HOXB3: variants seen among roughly 807,000 people sequenced by gnomAD.
HOXB3 encodes homeobox protein Hox-B3.
A neutral mutation model predicts 29.2 loss-of-function variants in HOXB3; 17 were observed. The observed-to-expected ratio is 0.58, with a 90% CI of 0.40 to 0.87. The LOEUF (loss-of-function observed/expected upper bound fraction) is 0.87. Among genes scored for constraint, HOXB3 ranks in the 40% least tolerant of loss-of-function variants. The pLI, the probability that HOXB3 is intolerant of heterozygous loss-of-function variation, is 0.00. For synonymous variants in HOXB3, 317 were observed against 285.9 expected, an observed-to-expected ratio of 1.11 and a Z score of -1.10; for missense variants, 637 against 616.3, an observed-to-expected ratio of 1.03 and a Z score of -0.35.
At position 48,552,583 on chromosome 17, in the gene HOXB3, C is replaced by CA. The variant is rs1555635540; in HGVS notation, c.-110dup. On this transcript the variant is annotated 5_prime_UTR_variant, in exon 4 of 5. The change creates a premature stop within an existing upstream ORF in the 5' untranslated region. Coordinates refer to ENST00000498678, the MANE Select transcript of HOXB3 (RefSeq NM_001384749.1). ...CGTGACACGCCGGACCCCCCCCCCC[C>CA]ACCTCCCCTCTCTGCCCCCCTCCTC... The CA allele has an allele frequency of 5.4e-6, 4 of 747,360 alleles. No individual in the cohort carries two copies. Among genetic ancestry groups the CA allele is most frequent in the East Asian group, 2.9e-5 (1 of 34,776 alleles). The allele number at this position is 747,360 out of a possible 1,614,324, so 46.3% of individuals were successfully genotyped here.
intron 1 of HOXB3, among the ~76,000 whole-genome samples, chr17:48,589,572 C>A (rs989681205): frequency 6.6e-6 from 1 of 152,002 alleles, no homozygotes; most frequent in Non-Finnish European, 1.5e-5. Flanking sequence ...ACCGGAGGGA[C>A]CTCTTTTTAT....
At chr17:48,576,650 T>C (rs2144884194) in intron 1 of HOXB3, 197 of 567,546 alleles carry the variant, frequency 3.5e-4, no homozygotes, top group East Asian at 1.2e-3. Flanking sequence ...CCCCCTCCTG[T>C]CCCCCCACCC....
At chr17:48,580,565 G>A (rs3809782) in intron 1 of HOXB3, 94,732 of 151,688 alleles carry the variant, frequency 0.62, 29,802 homozygotes, top group East Asian at 0.75. Flanking sequence ...ATGGGGCCCC[G>A]GATATTTAAT....
intron 2 of HOXB3, among the ~76,000 whole-genome samples, chr17:48,559,338 G>A (rs2069114332): frequency 6.6e-6 from 1 of 152,172 alleles, no homozygotes; most frequent in South Asian, 2.1e-4. Context: ...ACCAATTTCT[G>A]ATCTCAGACT....
intron 2 of HOXB3, among the ~76,000 whole-genome samples, chr17:48,566,445 G>A (rs1257294838): frequency 2.0e-5 from 3 of 151,456 alleles, no homozygotes; most frequent in South Asian, 2.1e-4. Flanking sequence ...ACCTGAAGAG[G>A]GCTGAAAGAA....
At chr17:48,573,675 CATCATAA>C in intron 2 of HOXB3, among the ~76,000 whole-genome samples, 155 bp downstream of exon 2, 1 of 152,210 alleles carries the variant, frequency 6.6e-6, no homozygotes, top group South Asian at 2.1e-4. Flanking sequence ...AAGCATCAGT[CATCATAA>C]AAGGGAGCAA....
intron 1 of HOXB3, 95 bp from the exon 2 acceptor site, chr17:48,574,109 G>C (rs992740449): frequency 1.9e-6 from 1 of 530,932 alleles, no homozygotes; most frequent in African/African-American, 1.9e-5. Context: ...CTTAGCTCTT[G>C]TCTACACAGA....
intron 2 of HOXB3, among the ~76,000 whole-genome samples, chr17:48,568,414 C>T (rs1172018422): frequency 2.0e-5 from 3 of 152,210 alleles, no homozygotes; most frequent in African/African-American, 7.2e-5. Flanking sequence ...AGACCTCCAG[C>T]TATAGAGCTT....
intron 2 of HOXB3, among the ~76,000 whole-genome samples, chr17:48,558,021 G>GTT (rs201061282): frequency 6.6e-6 from 1 of 150,856 alleles, no homozygotes; most frequent in Non-Finnish European, 1.5e-5. Flanking sequence ...TACCTTTGGG[G>GTT]TTTTTTTTTC....
chr17:48,551,128 TGCCACCACTGCCTCCGCCGCCGCC>T lies in HOXB3; in HGVS notation c.478_501del (p.Gly160_Gly167del). The T allele has an allele frequency of 7.5e-7, 1 of 1,325,544 alleles. No individual in the cohort carries two copies. Among genetic ancestry groups the T allele is most frequent in the South Asian group, 2.3e-5 (1 of 44,050 alleles). The allele number at this position is 1,325,544 out of a possible 1,614,324, so 82.1% of individuals were successfully genotyped here. A position where few individuals can be genotyped will look rare whatever the true frequency, so the allele number is the denominator to read the frequency against. Reference sequence around the variant, plus strand: ...CCGCCGCCGCCGCCACCGCCCCCGCTGCCACCACTGCCTCCGCCGCCGCCGCCACCGCCGCCGCCACCACAGCCC... The same window carrying T: ...CCGCCGCCGCCGCCACCGCCCCCGCTGCCACCGCCGCCGCCACCACAGCCC... On this transcript the variant is annotated inframe_deletion, in exon 5 of 5. Transcript: ENST00000498678.
intron 1 of HOXB3, chr17:48,577,031 A>G (rs1238365484): frequency 1.3e-6 from 2 of 1,571,410 alleles, no homozygotes; most frequent in Admixed American, 1.9e-5. Flanking sequence ...CTGGACACAC[A>G]CGGAGAGAGG....
At chr17:48,571,725 CA>C (rs1168502072) in intron 2 of HOXB3, among the ~76,000 whole-genome samples, 1 of 152,216 alleles carries the variant, frequency 6.6e-6, no homozygotes, top group East Asian at 1.9e-4. Context: ...CCCTGAGCCC[CA>C]TATATTTTTA....
At chr17:48,564,606 G>C (rs572466368) in intron 2 of HOXB3, among the ~76,000 whole-genome samples, 4 of 152,236 alleles carry the variant, frequency 2.6e-5, no homozygotes, top group Non-Finnish European at 5.9e-5. Flanking sequence ...CTTTGAGAGC[G>C]GGCCAAGTTG....
At chr17:48,569,088 A>G (rs1348527567) in intron 2 of HOXB3, among the ~76,000 whole-genome samples, 1 of 149,948 alleles carries the variant, frequency 6.7e-6, no homozygotes, top group Non-Finnish European at 1.5e-5. Context: ...TTCTCGGGGT[A>G]CAGGCTTGTT....
chr17:48,575,888 C>G (rs1000181354), intron 1 of HOXB3: 3 of 152,650 alleles, frequency 2.0e-5, no homozygotes, highest in African/African-American at 7.2e-5. Flanking sequence ...GCCCCTCACC[C>G]TGCCAAGCAT....
At chr17:48,560,997 A>T (rs770894703) in intron 2 of HOXB3, among the ~76,000 whole-genome samples, 1 of 152,210 alleles carries the variant, frequency 6.6e-6, no homozygotes, top group Non-Finnish European at 1.5e-5. Context: ...CCTGACCAAC[A>T]TGGCGAAACC....
rs2068902735 is a variant in HOXB3 at position 48,554,897 on chromosome 17, A to G, written c.-159+634T>C. 1.4e-6 allele frequency: 1 copy of G among 694,884 alleles called. No homozygotes were observed. The highest frequency in any genetic ancestry group is 2.7e-5 in the East Asian group (1 of 37,102). 43.0% of individuals were successfully genotyped at this position (694,884 alleles called of 1,614,324 possible). A position where few individuals can be genotyped will look rare whatever the true frequency, so the allele number is the denominator to read the frequency against. ...GTGCTAAGGGGACCCAAGATCTGGG[A>G]TCCAGAACAAGAGGGGGTGGGGAAC... is the stretch of plus-strand genomic sequence containing the variant. On this transcript the variant is annotated intron_variant, in intron 3 of 4. Transcript: ENST00000498678. The surrounding 1 kb of genome is among the most constrained non-coding windows in gnomAD (Gnocchi z 4.1).
rs35384813 is a variant in HOXB3, at chr17:48,574,150, CT to C, written c.-424-137del. 6.4e-3 allele frequency: 2,342 copies of C among 368,504 alleles called. 5 individuals carry two copies. The highest frequency in any genetic ancestry group is 0.018 in the South Asian group (393 of 21,778). The allele number at this position is 368,504 out of a possible 1,614,324, so 22.8% of individuals were successfully genotyped here. ...TGTGAACTTTAAGCTCCATAGAAATCTTTTTTTTTTAAATTCTATTCATACC... is the reference window on the plus strand; with the variant it reads ...TGTGAACTTTAAGCTCCATAGAAATCTTTTTTTTTAAATTCTATTCATACC... On this transcript the variant is annotated intron_variant, in intron 1 of 4. Coordinates refer to ENST00000498678, the MANE Select transcript of HOXB3 (RefSeq NM_001384749.1).
chr17:48,573,636 C>T (rs1340508520), intron 2 of HOXB3, among the ~76,000 whole-genome samples: 2 of 152,174 alleles, frequency 1.3e-5, no homozygotes, highest in African/African-American at 4.8e-5. Context: ...CTCCAGGTGT[C>T]GAGGCCCCTC....
Sources: gnomAD v4.1 joint callset for allele counts (sites outside exome capture counted in the v4.1 genomes callset) on GRCh38, gnomAD v4.1.1 for gene constraint, Gnocchi (gnomAD v3.1) non-coding constraint, MANE v1.5 for transcripts, NCBI Gene and HGNC (gene_info 2026-07-23, HGNC 2026-07-21) for gene names.